The following DCPS variants were observed in gnomAD, a reference collection of about 807,000 sequenced individuals.
The protein encoded by DCPS is m7GpppX diphosphatase.
DCPS carries 27 observed loss-of-function variants against 34.7 expected under a neutral mutation model. The ratio of observed to expected loss-of-function variants is 0.78; its 90% CI spans 0.57 to 1.07. The LOEUF is 1.07. Among genes scored for constraint, DCPS ranks in the 50% least tolerant of loss-of-function variants. DCPS has a pLI of 0.00. For synonymous variants in DCPS, 185 were observed against 185.7 expected (o/e 1.00, Z 0.03); for missense variants, 464 against 436.9 (o/e 1.06, Z -0.55).
chr11:126,325,700 A>G lies in DCPS; in HGVS notation c.377-5705A>G, dbSNP rs144794972. ...TACAATTTGAATTAAAAAGACAAAC[A>G]CAGTGTTAAAAAGCATGACAGGGGA... On this transcript the variant is annotated intron_variant, in intron 2 of 5. Coordinates refer to ENST00000263579, the MANE Select transcript of DCPS (RefSeq NM_014026.6). This position sits in a 1 kb window ranked among gnomAD's most constrained non-coding sequence, Gnocchi z 4.3. Among the ~76,000 whole-genome samples the G allele has an allele frequency of 2.0e-5, 3 of 152,146 alleles. No homozygotes were observed. Among genetic ancestry groups the G allele is most frequent in the Non-Finnish European group, 4.4e-5 (3 of 68,020 alleles).
chr11:126,338,147 A>C lies in DCPS; in HGVS notation c.523-139A>C, dbSNP rs1047648538. On this transcript the variant is annotated intron_variant, in intron 3 of 5. Coordinates refer to ENST00000263579, the MANE Select transcript of DCPS (RefSeq NM_014026.6). This position sits in a 1 kb window ranked among gnomAD's most constrained non-coding sequence, Gnocchi z 5.4. ...CTTGGGGACAGGGCAGCCCGGATGT[A>C]GATCCTCTGAGCGTGGCGGCCTTTT... 25 of 722,056 alleles carry C rather than the reference A, an allele frequency of 3.5e-5. No homozygotes were observed. Among genetic ancestry groups the C allele is most frequent in the South Asian group, 3.1e-4 (18 of 57,654 alleles). The allele number at this position is 722,056 out of a possible 1,614,324, so 44.7% of individuals were successfully genotyped here. A position where few individuals can be genotyped will look rare whatever the true frequency, so the allele number is the denominator to read the frequency against.
Position 126,344,976 on chromosome 11 carries a change from C to T in DCPS, c.748-371C>T, listed in dbSNP as rs1951906267. On this transcript the variant is annotated intron_variant, in intron 5 of 5. Coordinates refer to ENST00000263579, the MANE Select transcript of DCPS (RefSeq NM_014026.6). The surrounding 1 kb of genome is among the most constrained non-coding windows in gnomAD (Gnocchi z 8.1). ...CATGACTGATGAAATGCTTCTAAAT[C>T]ATGAAAGTCCCCATAGTCTTGGGAA... Among the ~76,000 whole-genome samples, 1 of 152,222 alleles carries T rather than the reference C, an allele frequency of 6.6e-6. No individual in the cohort carries two copies. Among genetic ancestry groups the T allele is most frequent in the South Asian group, 2.1e-4 (1 of 4,832 alleles).
intron 4 of DCPS, among the ~76,000 whole-genome samples, chr11:126,343,087 A>T (rs1417559970): frequency 8.4e-5 from 11 of 131,468 alleles, no homozygotes; most frequent in African/African-American, 3.3e-4. Flanking sequence ...AAAAAAAAAA[A>T]GGACTCTCAC....
chr11:126,306,530 G>A (rs555648845), intron 1 of DCPS, 40 bp from the exon 2 acceptor site: 13 of 1,552,910 alleles, frequency 8.4e-6, no homozygotes, highest in Non-Finnish European at 1.1e-5. Flanking sequence ...TCTCATCGTG[G>A]TTCTGCCCTT....
chr11:126,338,850 C>T lies in DCPS; in HGVS notation c.636+451C>T, dbSNP rs767349177. On this transcript the variant is annotated intron_variant, in intron 4 of 5. Transcript: ENST00000263579. The surrounding 1 kb of genome is among the most constrained non-coding windows in gnomAD (Gnocchi z 5.4). ...CCAACCCAAGGCATCTCCTCCTCAGCCCGAGCTGTGGAGTAGCTTAGCCCA... is the reference window on the plus strand; with the variant it reads ...CCAACCCAAGGCATCTCCTCCTCAGTCCGAGCTGTGGAGTAGCTTAGCCCA... Among the ~76,000 whole-genome samples, 2 of 152,200 alleles carry T rather than the reference C, an allele frequency of 1.3e-5. No individual in the cohort carries two copies. The highest frequency in any genetic ancestry group is 2.9e-5 in the Non-Finnish European group (2 of 68,038).
chr11:126,321,270 A>C (rs1369016231), intron 2 of DCPS, among the ~76,000 whole-genome samples: 1 of 151,804 alleles, frequency 6.6e-6, no homozygotes, highest in East Asian at 1.9e-4. Flanking sequence ...AAAAAAAAAA[A>C]AATCACACGA....
rs1042143830 is a variant in DCPS at position 126,349,792 on chromosome 11, G to T, written c.*4179G>T. Among the ~76,000 whole-genome samples the T allele has an allele frequency of 6.6e-5, 10 of 152,282 alleles. No individual in the cohort carries two copies. The highest frequency in any genetic ancestry group is 2.4e-4 in the African/African-American group (10 of 41,570). On this transcript the variant is annotated 3_prime_UTR_variant, in exon 6 of 6. Coordinates refer to ENST00000263579, the MANE Select transcript of DCPS (RefSeq NM_014026.6). This position sits in a 1 kb window ranked among gnomAD's most constrained non-coding sequence, Gnocchi z 5.4. The stretch of plus-strand genomic sequence containing the variant: ...TAAAATAAGATAATTATTGATAGTT[G>T]TTTTTAAAATAGCCTTGCTTAGCAA...
intron 2 of DCPS, among the ~76,000 whole-genome samples, chr11:126,314,922 A>G (rs1951646551): frequency 6.6e-6 from 1 of 152,060 alleles, no homozygotes; most frequent in African/African-American, 2.4e-5. Context: ...CTCAGAAATC[A>G]CCACTAAAGA....
In DCPS at chr11:126,335,970, TA is replaced by T; in HGVS notation, c.523-2311del. Among the ~76,000 whole-genome samples the T allele has an allele frequency of 1.3e-5, 2 of 151,306 alleles. No individual in the cohort carries two copies. The highest frequency in any genetic ancestry group is 1.9e-4 in the East Asian group (1 of 5,144). ...AAAAAACCTGTCTCTACTAAAAATA[TA>T]AAAATTAGTCGGGTGTGGTGGTGGG... On this transcript the variant is annotated intron_variant, in intron 3 of 5. Transcript: ENST00000263579. The surrounding 1 kb of genome is among the most constrained non-coding windows in gnomAD (Gnocchi z 4.8).
Position 126,320,443 on chromosome 11 carries a change from T to C in DCPS, c.377-10962T>C, listed in dbSNP as rs1194908975. Among the ~76,000 whole-genome samples the C allele has an allele frequency of 6.6e-6, 1 of 152,162 alleles. No homozygotes were observed. Among genetic ancestry groups the C allele is most frequent in the African/African-American group, 2.4e-5 (1 of 41,414 alleles). On this transcript the variant is annotated intron_variant, in intron 2 of 5. Transcript: ENST00000263579. The surrounding 1 kb of genome is among the most constrained non-coding windows in gnomAD (Gnocchi z 4.7). Reference sequence around the variant, plus strand: ...AAAGGGGACAGTTTGAATGCCCACCTACTTCCTTTATAGCCTGCTCTGACA... The same window carrying C: ...AAAGGGGACAGTTTGAATGCCCACCCACTTCCTTTATAGCCTGCTCTGACA...
chr11:126,306,026 C>G (rs775674253), intron 1 of DCPS, among the ~76,000 whole-genome samples: 7 of 152,140 alleles, frequency 4.6e-5, no homozygotes, highest in Admixed American at 1.3e-4. Context: ...AACTGAGAAG[C>G]CTTGTATTCT....
At chr11:126,304,391 A>C in intron 1 of DCPS, 110 bp downstream of exon 1, 1 of 1,275,374 alleles carries the variant, frequency 7.8e-7, no homozygotes, top group South Asian at 1.3e-5. Flanking sequence ...AATCATTATC[A>C]CTCCGGGGAG....
chr11:126,304,318 C>T (rs1404685130), intron 1 of DCPS, 37 bp downstream of exon 1: 2 of 1,606,570 alleles, frequency 1.2e-6, no homozygotes, highest in African/African-American at 1.3e-5. Flanking sequence ...ATGCGGGAAG[C>T]AGTGAACCAA....
intron 2 of DCPS, among the ~76,000 whole-genome samples, chr11:126,311,654 G>C (rs1229533638): frequency 1.3e-5 from 2 of 152,216 alleles, no homozygotes; most frequent in African/African-American, 4.8e-5. Context: ...TCTGGGGATG[G>C]AAAGAAGAAC....
intron 4 of DCPS, chr11:126,341,541 G>A (rs1003300441): frequency 1.3e-5 from 2 of 152,244 alleles, no homozygotes; most frequent in African/African-American, 4.8e-5. Flanking sequence ...CTGTGCCAGT[G>A]GAGCAGAGAG....
At chr11:126,304,607 C>T (rs921591693) in intron 1 of DCPS, among the ~76,000 whole-genome samples, 1 of 152,140 alleles carries the variant, frequency 6.6e-6, no homozygotes, top group Non-Finnish European at 1.5e-5. Context: ...GGACTAGGAA[C>T]CCAGTCAATG....
At chr11:126,306,234 G>GGGCA (rs1951564058) in intron 1 of DCPS, among the ~76,000 whole-genome samples, 1 of 152,098 alleles carries the variant, frequency 6.6e-6, no homozygotes, top group African/African-American at 2.4e-5. Context: ...TTAGCCAGAT[G>GGGCA]TGGTGGCATG....
Position 126,338,149 on chromosome 11 carries a change from A to C in DCPS, c.523-137A>C, listed in dbSNP as rs1259381404. 2 of 731,678 alleles carry C rather than the reference A, an allele frequency of 2.7e-6. No homozygotes were observed. Among genetic ancestry groups the C allele is most frequent in the East Asian group, 2.7e-5 (1 of 37,144 alleles). The allele number at this position is 731,678 out of a possible 1,614,324, so 45.3% of individuals were successfully genotyped here. A position where few individuals can be genotyped will look rare whatever the true frequency, so the allele number is the denominator to read the frequency against. The stretch of plus-strand genomic sequence containing the variant: ...TGGGGACAGGGCAGCCCGGATGTAG[A>C]TCCTCTGAGCGTGGCGGCCTTTTAT... On this transcript the variant is annotated intron_variant, in intron 3 of 5. Coordinates refer to ENST00000263579, the MANE Select transcript of DCPS (RefSeq NM_014026.6). This position sits in a 1 kb window ranked among gnomAD's most constrained non-coding sequence, Gnocchi z 5.4.
rs527468171 is a variant in DCPS at position 126,312,044 on chromosome 11, C to T, written c.376+5300C>T. Among the ~76,000 whole-genome samples, 9 of 152,306 alleles carry T rather than the reference C, an allele frequency of 5.9e-5. No individual in the cohort carries two copies. Among genetic ancestry groups the T allele is most frequent in the East Asian group, 1.9e-4 (1 of 5,178 alleles). On this transcript the variant is annotated intron_variant, in intron 2 of 5. Transcript: ENST00000263579. This position sits in a 1 kb window ranked among gnomAD's most constrained non-coding sequence, Gnocchi z 5.1. The stretch of plus-strand genomic sequence containing the variant: ...CTCCCGGGTTCGAGTGATTCTCCAG[C>T]CTCAGCCTCCCGAGTAGCTGGGATT...
Sources: gnomAD v4.1 joint callset for allele counts (sites outside exome capture counted in the v4.1 genomes callset) on GRCh38, gnomAD v4.1.1 for gene constraint, Gnocchi (gnomAD v3.1) non-coding constraint, MANE v1.5 for transcripts, NCBI Gene and HGNC (gene_info 2026-07-23, HGNC 2026-07-21) for gene names.